Variants in ATRX observed in about 807,000 individuals in gnomAD.
ATRX encodes chromatin remodeler ATRX.
ATRX carries 12 observed loss-of-function variants against 172.6 expected under a neutral mutation model. The observed-to-expected ratio is 0.07, with a 90% confidence interval of 0.04 to 0.11. The LOEUF is 0.11. ATRX is among the 10% of genes least tolerant of loss of function. ATRX has a pLI of 1.00. For missense variants in ATRX, 1,368 were observed against 1,767.4 expected (o/e 0.77, Z 4.05); for synonymous variants, 674 against 594.7 (o/e 1.13, Z -1.94).
chrX:77,664,251 TTTCTTC>T lies in ATRX; in HGVS notation c.3943+388_3943+393del, dbSNP rs200213091. On this transcript the variant is annotated intron_variant, in intron 11 of 34. Transcript: ENST00000373344. ...TAAATACAAGTATTAAGAGATTTTT[TTTCTTC>T]TTCTTCTTCTTCTTCTTTTTGAGAT... 1.3e-4 allele frequency among the ~76,000 whole-genome samples: 14 copies of T among 111,023 alleles called. No homozygotes were observed. In the South Asian group the frequency reaches 2.6e-3, roughly 21 times the overall value.
chrX:77,698,883 T>A (rs1232675404), intron 2 of ATRX: 1 of 398,299 alleles, frequency 2.5e-6, no homozygotes, highest in East Asian at 5.3e-5. Context: ...CCTGTTGTAG[T>A]TTATAAATAT....
chrX:77,700,738 G>C (rs1258897687), intron 2 of ATRX, among the ~76,000 whole-genome samples: 1 of 112,189 alleles, frequency 8.9e-6, no homozygotes, highest in Non-Finnish European at 1.9e-5. Flanking sequence ...GCTACAAAGA[G>C]ACATGGAGGA....
intron 27 of ATRX, among the ~76,000 whole-genome samples, chrX:77,587,087 G>A (rs911343411): frequency 1.1e-4 from 12 of 109,477 alleles, no homozygotes; most frequent in Non-Finnish European, 2.1e-4. Flanking sequence ...ATTAGAGAAA[G>A]CAATCAAATG....
intron 15 of ATRX, among the ~76,000 whole-genome samples, chrX:77,643,687 G>A (rs1557112264): frequency 9.0e-6 from 1 of 110,958 alleles, no homozygotes; most frequent in Admixed American, 9.6e-5. Context: ...AGAGTTGCTG[G>A]GACTACAGGT....
intron 32 of ATRX, chrX:77,521,967 A>T (rs1240817635): frequency 3.6e-6 from 1 of 278,981 alleles, no homozygotes; most frequent in Non-Finnish European, 6.4e-6. Flanking sequence ...TATTATAACT[A>T]TTTTATAACT....
intron 13 of ATRX, 121 bp downstream of exon 13, chrX:77,656,439 A>T (rs2069557109): frequency 1.8e-6 from 1 of 543,441 alleles, no homozygotes; most frequent in African/African-American, 2.3e-5. Context: ...AATTAGTTTC[A>T]AATCAAAATA....
At chrX:77,709,082 C>T (rs1238769682) in intron 2 of ATRX, among the ~76,000 whole-genome samples, 3 of 111,125 alleles carry the variant, frequency 2.7e-5, no homozygotes, top group African/African-American at 9.8e-5. Context: ...TGGCATGTGC[C>T]TGTAGTCTTG....
At chrX:77,759,210 T>G (rs1272504228) in intron 1 of ATRX, among the ~76,000 whole-genome samples, 1 of 111,602 alleles carries the variant, frequency 9.0e-6, no homozygotes, top group Non-Finnish European at 1.9e-5. Context: ...TCGACCAGGA[T>G]GAAGAACTGC....
intron 1 of ATRX, among the ~76,000 whole-genome samples, chrX:77,736,088 T>C (rs2074550126): frequency 9.0e-6 from 1 of 110,975 alleles, no homozygotes; most frequent in Non-Finnish European, 1.9e-5. Flanking sequence ...AAGAATTTTA[T>C]CTAAAACTTC....
intron 1 of ATRX, among the ~76,000 whole-genome samples, chrX:77,781,212 G>A (rs890424291): frequency 1.8e-5 from 2 of 110,376 alleles, no homozygotes; most frequent in Admixed American, 9.8e-5. Context: ...AGGCCGAAGC[G>A]GGTGGAAATC....
chrX:77,535,411 T>C (rs1569518620), intron 30 of ATRX, among the ~76,000 whole-genome samples: 1 of 112,133 alleles, frequency 8.9e-6, no homozygotes, highest in Non-Finnish European at 1.9e-5. Context: ...TCCTTAACAC[T>C]TAAAGAACTA....
rs782739447 is a variant in ATRX at position 77,620,868 on chromosome X, G to A, written c.5135-336C>T. On this transcript the variant is annotated intron_variant, in intron 19 of 34. Coordinates refer to ENST00000373344, the MANE Select transcript of ATRX (RefSeq NM_000489.6). The stretch of plus-strand genomic sequence containing the variant: ...ATTTTTAAAAATGTCTTTTAAAATT[G>A]AAAAGTCTTTAAAGCTATTTCAGCA... Among the ~76,000 whole-genome samples the A allele has an allele frequency of 6.3e-5, 7 of 111,957 alleles. No homozygotes were observed. The South Asian group carries it at 2.6e-3, about 42-fold the overall frequency.
chrX:77,582,353 T>C (rs782452100), intron 27 of ATRX, among the ~76,000 whole-genome samples: 4 of 108,253 alleles, frequency 3.7e-5, no homozygotes, highest in African/African-American at 1.0e-4. Flanking sequence ...TGAGCCGAGA[T>C]TGCGCCACTG....
chrX:77,631,054 G>C (rs1557105412), intron 19 of ATRX, among the ~76,000 whole-genome samples: 1 of 109,897 alleles, frequency 9.1e-6, no homozygotes, highest in African/African-American at 3.3e-5. Flanking sequence ...CTGATTCTGG[G>C]GCCAGGACAA....
At chrX:77,583,663 T>C (rs1458454982) in intron 27 of ATRX, among the ~76,000 whole-genome samples, 1 of 111,431 alleles carries the variant, frequency 9.0e-6, no homozygotes, top group Non-Finnish European at 1.9e-5. Flanking sequence ...ATAAAAGCCA[T>C]CTATGACAGA....
chrX:77,610,955 A>AAT (rs1386587238), intron 22 of ATRX, among the ~76,000 whole-genome samples: 5 of 107,542 alleles, frequency 4.6e-5, no homozygotes, highest in African/African-American at 6.7e-5. Context: ...TAAATAAATA[A>AAT]ATATATATAT....
chrX:77,711,284 A>G lies in ATRX; in HGVS notation c.133+5847T>C, dbSNP rs782545065. 5.3e-5 allele frequency among the ~76,000 whole-genome samples: 6 copies of G among 112,288 alleles called. No individual in the cohort carries two copies. In the South Asian group the frequency reaches 2.2e-3, roughly 41 times the overall value. ...TGAATGTTTTCCCACTAAAATTGGT[A>G]ACACTAAGAGGATGTCTGCTATCAT... On this transcript the variant is annotated intron_variant, in intron 2 of 34. Transcript: ENST00000373344.
At chrX:77,623,951 G>A (rs1357810973) in intron 19 of ATRX, among the ~76,000 whole-genome samples, 2 of 111,693 alleles carry the variant, frequency 1.8e-5, no homozygotes, top group African/African-American at 3.3e-5. Context: ...ACATAATACT[G>A]AATGGAGAAA....
In ATRX at chrX:77,508,203, A is replaced by T. The variant is rs2147644740; in HGVS notation, c.*148T>A. On this transcript the variant is annotated 3_prime_UTR_variant, in exon 35 of 35. Coordinates refer to ENST00000373344, the MANE Select transcript of ATRX (RefSeq NM_000489.6). The stretch of plus-strand genomic sequence containing the variant: ...AGGAAGAAATGGTATGCCCTATTTA[A>T]AAAAAAAAAAAGTAAAACTAATATG... 8.2e-6 allele frequency: 5 copies of T among 608,364 alleles called. No individual in the cohort carries two copies. The highest frequency in any genetic ancestry group is 3.6e-5 in the South Asian group (1 of 27,830). 50.1% of individuals were successfully genotyped at this position (608,364 alleles called of 1,213,427 possible).
Sources: allele counts gnomAD v4.1 joint callset (sites outside exome capture counted in the v4.1 genomes callset), GRCh38; gene constraint gnomAD v4.1.1; transcripts MANE v1.5; gene names NCBI Gene and HGNC (gene_info 2026-07-23, HGNC 2026-07-21).